RGS7: variants seen among roughly 807,000 people sequenced by gnomAD.
RGS7 encodes regulator of G-protein signaling 7.
In RGS7, 27 loss-of-function variants were observed where a neutral mutation model predicts 81.1. The observed-to-expected ratio is 0.33, with a 90% confidence interval of 0.25 to 0.46. The LOEUF is 0.46. Among genes scored for constraint, RGS7 ranks in the 20% least tolerant of loss-of-function variants. The pLI is 1.00. For synonymous variants in RGS7, 208 were observed against 207.7 expected (o/e 1.00, Z -0.01); for missense variants, 396 against 607.4 (o/e 0.65, Z 3.66).
rs182200894 is a variant in RGS7 at position 240,922,647 on chromosome 1, A to G, written c.385+8070T>C. 1.2e-3 allele frequency among the ~76,000 whole-genome samples: 186 copies of G among 152,210 alleles called. 2 individuals carry two copies. Among genetic ancestry groups the G allele is most frequent in the Admixed American group, 2.0e-3 (31 of 15,290 alleles). On this transcript the variant is annotated intron_variant, in intron 6 of 18. Coordinates refer to ENST00000440928, the MANE Select transcript of RGS7 (RefSeq NM_001364886.1). ...GCTCAATATCATATGTTATTAGAGA[A>G]CTGTAAATTTAAAAAACAATGAGAT...
chr1:241,324,505 T>G (rs2081386767), intron 2 of RGS7, among the ~76,000 whole-genome samples: 1 of 152,206 alleles, frequency 6.6e-6, no homozygotes, highest in Non-Finnish European at 1.5e-5. Flanking sequence ...ATCATTGAAC[T>G]TTCTGTCTTC....
At position 241,110,694 on chromosome 1, in the gene RGS7, C is replaced by CTT. The variant is rs533691961; in HGVS notation, c.79-11934_79-11933dup. 4.9e-3 allele frequency among the ~76,000 whole-genome samples: 690 copies of CTT among 139,984 alleles called. 10 individuals carry two copies. The highest frequency in any genetic ancestry group is 0.017 in the African/African-American group (644 of 37,852). The allele number at this position is 139,984 out of a possible 152,430, so 91.8% of individuals were successfully genotyped here. A position where few individuals can be genotyped will look rare whatever the true frequency, so the allele number is the denominator to read the frequency against. ...TTATTGAGACAGGGTCTCACTCACTCTTTTTTTTTTTTTGAGACAGAGTCT... is the reference window on the plus strand; with the variant it reads ...TTATTGAGACAGGGTCTCACTCACTCTTTTTTTTTTTTTTTGAGACAGAGTCT... On this transcript the variant is annotated intron_variant, in intron 2 of 18. Transcript: ENST00000440928.
At chr1:240,801,370 G>C (rs1687998529) in intron 17 of RGS7, 85 bp downstream of exon 17, 1 of 823,984 alleles carries the variant, frequency 1.2e-6, no homozygotes, top group Non-Finnish European at 2.1e-6. Context: ...AAGAATGCAA[G>C]GTGGGTAACA....
intron 2 of RGS7, among the ~76,000 whole-genome samples, chr1:241,265,724 C>A (rs2077550896): frequency 1.3e-5 from 2 of 148,874 alleles, no homozygotes; most frequent in South Asian, 4.3e-4. Context: ...CAGATTGAAT[C>A]ATGGGATAAA....
chr1:241,349,707 T>C (rs549096303), intron 2 of RGS7, among the ~76,000 whole-genome samples: 1 of 152,342 alleles, frequency 6.6e-6, no homozygotes, highest in Admixed American at 6.5e-5. Flanking sequence ...TTTTGTAGGA[T>C]AGAAGCCTGA....
chr1:241,045,024 T>C (rs2060842465), intron 3 of RGS7, among the ~76,000 whole-genome samples: 1 of 152,238 alleles, frequency 6.6e-6, no homozygotes, highest in African/African-American at 2.4e-5. Context: ...AAAGAGCTTT[T>C]AATTTCCATG....
At chr1:241,123,341 G>C (rs945126479) in intron 2 of RGS7, among the ~76,000 whole-genome samples, 1 of 152,190 alleles carries the variant, frequency 6.6e-6, no homozygotes, top group Non-Finnish European at 1.5e-5. Flanking sequence ...AGTTCAGGCA[G>C]TTATGGCTGG....
At chr1:241,192,172 G>A (rs1354408909) in intron 2 of RGS7, among the ~76,000 whole-genome samples, 3 of 122,066 alleles carry the variant, frequency 2.5e-5, no homozygotes, top group Admixed American at 1.7e-4. Context: ...GTGTGTGTGT[G>A]TGTGTGTGTG....
intron 3 of RGS7, among the ~76,000 whole-genome samples, chr1:240,995,752 T>C (rs936965206): frequency 1.2e-4 from 18 of 151,602 alleles, no homozygotes; most frequent in Non-Finnish European, 2.2e-4. Flanking sequence ...ATTTATCAAT[T>C]TTTATAAAGA....
chr1:240,846,809 C>T (rs186493677), intron 9 of RGS7, among the ~76,000 whole-genome samples: 4 of 152,240 alleles, frequency 2.6e-5, no homozygotes, highest in East Asian at 1.9e-4. Flanking sequence ...GATGACATGG[C>T]GGAAACTGTC....
chr1:240,783,240 C>T (rs1387361596), intron 18 of RGS7, among the ~76,000 whole-genome samples: 1 of 152,180 alleles, frequency 6.6e-6, no homozygotes, highest in Non-Finnish European at 1.5e-5. Flanking sequence ...AGGGACAACA[C>T]TCTCAAAACA....
intron 2 of RGS7, among the ~76,000 whole-genome samples, chr1:241,147,816 A>G (rs200063985): frequency 7.5e-6 from 1 of 133,856 alleles, no homozygotes; most frequent in African/African-American, 2.7e-5. Flanking sequence ...ATATATATAT[A>G]TATGTAAGAA....
intron 3 of RGS7, among the ~76,000 whole-genome samples, chr1:241,072,395 T>G (rs1331646347): frequency 6.6e-6 from 1 of 152,156 alleles, no homozygotes; most frequent in Non-Finnish European, 1.5e-5. Context: ...GCAGGCCATT[T>G]CACATCCACC....
chr1:241,207,867 G>A lies in RGS7; in HGVS notation c.79-109105C>T, dbSNP rs79719051. Among the ~76,000 whole-genome samples, 738 of 152,266 alleles carry A rather than the reference G, an allele frequency of 4.8e-3. 18 individuals are homozygous for A. The East Asian group carries it at 0.057, about 12-fold the overall frequency. ...ATTAAAATGCAGGCTGACACTTTCT[G>A]CTTTACTTGTTTTGGGGTTGTGTGG... is the stretch of plus-strand genomic sequence containing the variant. On this transcript the variant is annotated intron_variant, in intron 2 of 18. Coordinates refer to ENST00000440928, the MANE Select transcript of RGS7 (RefSeq NM_001364886.1).
intron 5 of RGS7, among the ~76,000 whole-genome samples, chr1:240,932,876 C>CTTTTTTTTTTTTTT (rs36194238): frequency 1.7e-5 from 1 of 57,294 alleles, no homozygotes; most frequent in Non-Finnish European, 3.1e-5. Context: ...TGGTATCTTT[C>CTTTTTTTTTTTTTT]TTTTTTTTTT....
chr1:241,277,493 C>T (rs2078257661), intron 2 of RGS7, among the ~76,000 whole-genome samples: 2 of 152,038 alleles, frequency 1.3e-5, no homozygotes, highest in African/African-American at 2.4e-5. Flanking sequence ...GTGATGGGCG[C>T]CTGTAGTCCC....
chr1:241,002,212 C>T (rs909780323), intron 3 of RGS7, among the ~76,000 whole-genome samples: 8 of 151,704 alleles, frequency 5.3e-5, no homozygotes, highest in Non-Finnish European at 1.0e-4. Context: ...TTTGGGAGGC[C>T]GAGGCGGGTG....
intron 2 of RGS7, among the ~76,000 whole-genome samples, chr1:241,182,443 C>G (rs1454540472): frequency 1.3e-5 from 2 of 152,142 alleles, no homozygotes; most frequent in Non-Finnish European, 2.9e-5. Context: ...GGACACACAA[C>G]CCCCAGCTCC....
rs144883515 is a variant in RGS7, at chr1:240,842,323, C to T, written c.610-15151G>A. ...AAGCGATTCTCATGCCTCAGCCTCCCGAGTAGCTGGGATTACAGGCATGCA... is the reference window on the plus strand; with the variant it reads ...AAGCGATTCTCATGCCTCAGCCTCCTGAGTAGCTGGGATTACAGGCATGCA... On this transcript the variant is annotated intron_variant, in intron 9 of 18. Transcript: ENST00000440928. 3.2e-3 allele frequency among the ~76,000 whole-genome samples: 489 copies of T among 150,526 alleles called. 3 individuals are homozygous for T. Among genetic ancestry groups the T allele is most frequent in the African/African-American group, 0.011 (467 of 40,986 alleles).
Sources: allele counts gnomAD v4.1 joint callset (sites outside exome capture counted in the v4.1 genomes callset), GRCh38; gene constraint gnomAD v4.1.1; transcripts MANE v1.5; gene names NCBI Gene and HGNC (gene_info 2026-07-23, HGNC 2026-07-21).